ATRNL1: variants seen among roughly 807,000 people sequenced by gnomAD.
The protein encoded by ATRNL1 is attractin-like protein 1.
Under a neutral mutation model 182.7 loss-of-function variants are expected in ATRNL1, and 95 were observed. The observed-to-expected ratio is 0.52, with a 90% CI of 0.44 to 0.62. The LOEUF (loss-of-function observed/expected upper bound fraction) is 0.62. ATRNL1 is among the 20% of genes least tolerant of loss of function. ATRNL1 has a pLI of 0.00. For synonymous variants in ATRNL1, 576 were observed against 568.3 expected (o/e 1.01, Z -0.19); for missense variants, 1,471 against 1,679.5 (o/e 0.88, Z 2.17).
intron 27 of ATRNL1, among the ~76,000 whole-genome samples, chr10:115,769,715 G>C (rs990772449): frequency 3.9e-5 from 6 of 152,196 alleles, no homozygotes; most frequent in African/African-American, 1.4e-4. Flanking sequence ...TCTGAATTTA[G>C]TTTCCTTGAC....
intron 21 of ATRNL1, among the ~76,000 whole-genome samples, chr10:115,447,234 C>T (rs1554966844): frequency 6.6e-6 from 1 of 151,462 alleles, no homozygotes; most frequent in Non-Finnish European, 1.5e-5. Context: ...AAATTGTGTA[C>T]CTGTTACCAA....
chr10:115,478,941 T>G (rs1016901892), intron 24 of ATRNL1, among the ~76,000 whole-genome samples: 6 of 151,698 alleles, frequency 4.0e-5, no homozygotes, highest in Non-Finnish European at 5.9e-5. Flanking sequence ...TTACTTTTAT[T>G]AATTTATTCT....
intron 28 of ATRNL1, among the ~76,000 whole-genome samples, chr10:115,932,498 GA>G (rs1359064453): frequency 6.6e-6 from 1 of 152,016 alleles, no homozygotes; most frequent in Non-Finnish European, 1.5e-5. Flanking sequence ...AATATTAATA[GA>G]AAAAAATCAT....
At chr10:115,515,708 G>A (rs1850602667) in intron 24 of ATRNL1, among the ~76,000 whole-genome samples, 1 of 151,534 alleles carries the variant, frequency 6.6e-6, no homozygotes, top group Non-Finnish European at 1.5e-5. Context: ...TTTCTACTTT[G>A]TAATGTTCCA....
intron 24 of ATRNL1, among the ~76,000 whole-genome samples, chr10:115,514,130 A>G (rs1554983326): frequency 6.6e-6 from 1 of 151,960 alleles, no homozygotes; most frequent in Admixed American, 6.6e-5. Flanking sequence ...TTCAATCAGT[A>G]CTTTACTTAA....
intron 8 of ATRNL1, among the ~76,000 whole-genome samples, chr10:115,213,083 G>C (rs1554895387): frequency 1.3e-5 from 2 of 152,036 alleles, no homozygotes; most frequent in Admixed American, 6.6e-5. Context: ...TTTAACATCT[G>C]ATCCATTCAT....
chr10:115,363,444 A>G (rs1445854720), intron 19 of ATRNL1, among the ~76,000 whole-genome samples: 3 of 146,246 alleles, frequency 2.1e-5, no homozygotes, highest in Admixed American at 6.8e-5. Flanking sequence ...GTAGGTTGCA[A>G]AAATTTTCTC....
chr10:115,908,339 GGAAA>G (rs1257431129), intron 28 of ATRNL1, among the ~76,000 whole-genome samples: 1 of 152,030 alleles, frequency 6.6e-6, no homozygotes, highest in Non-Finnish European at 1.5e-5. Flanking sequence ...GGGGGCTCTG[GGAAA>G]GAATCTGTTT....
At chr10:115,544,347 A>G (rs1256193903) in intron 25 of ATRNL1, among the ~76,000 whole-genome samples, 2 of 152,190 alleles carry the variant, frequency 1.3e-5, no homozygotes, top group African/African-American at 4.8e-5. Flanking sequence ...GCAATGCTAT[A>G]AAAAATATCT....
chr10:115,872,945 T>C (rs1951618296), intron 28 of ATRNL1, among the ~76,000 whole-genome samples: 1 of 152,242 alleles, frequency 6.6e-6, no homozygotes, highest in South Asian at 2.1e-4. Context: ...TAGCTGCTCC[T>C]CCTGAAATTC....
chr10:115,468,204 G>A (rs7896443), intron 23 of ATRNL1, among the ~76,000 whole-genome samples: 4 of 150,432 alleles, frequency 2.7e-5, no homozygotes, highest in South Asian at 2.1e-4. Flanking sequence ...GTAATAACTT[G>A]TACTGTTAAT....
chr10:115,912,367 CA>C (rs1555116132), intron 28 of ATRNL1, among the ~76,000 whole-genome samples: 1 of 151,584 alleles, frequency 6.6e-6, no homozygotes, highest in Non-Finnish European at 1.5e-5. Context: ...GATATTAAAA[CA>C]ATAATCTTCA....
chr10:115,765,112 A>G (rs1948826157), intron 27 of ATRNL1, among the ~76,000 whole-genome samples: 1 of 152,190 alleles, frequency 6.6e-6, no homozygotes, highest in African/African-American at 2.4e-5. Context: ...TTTGACAATT[A>G]TGAATTATGC....
At chr10:115,850,407 C>A (rs1264280629) in intron 28 of ATRNL1, among the ~76,000 whole-genome samples, 1 of 152,062 alleles carries the variant, frequency 6.6e-6, no homozygotes, top group Non-Finnish European at 1.5e-5. Flanking sequence ...AATACTGACA[C>A]CAATATATGA....
intron 19 of ATRNL1, among the ~76,000 whole-genome samples, chr10:115,386,940 T>C (rs1858392781): frequency 6.6e-6 from 1 of 151,158 alleles, no homozygotes; most frequent in African/African-American, 2.4e-5. Context: ...TTGCTATAAA[T>C]CATGCTGCTA....
At chr10:115,539,981 G>C (rs942556796) in intron 25 of ATRNL1, among the ~76,000 whole-genome samples, 1 of 127,010 alleles carries the variant, frequency 7.9e-6, no homozygotes, top group Non-Finnish European at 1.6e-5. Context: ...CAAATGTTAT[G>C]GGGTGGGGGG....
intron 27 of ATRNL1, among the ~76,000 whole-genome samples, chr10:115,781,524 G>C (rs572618239): frequency 6.6e-6 from 1 of 152,192 alleles, no homozygotes; most frequent in South Asian, 2.1e-4. Flanking sequence ...CAACCATATG[G>C]GTGAATCCCA....
At chr10:115,384,298 A>C (rs1017200088) in intron 19 of ATRNL1, among the ~76,000 whole-genome samples, 1 of 152,008 alleles carries the variant, frequency 6.6e-6, no homozygotes, top group African/African-American at 2.4e-5. Context: ...AATTCTCTAT[A>C]TCCAAGAAAT....
chr10:115,434,826 T>A (rs945320266), intron 21 of ATRNL1, among the ~76,000 whole-genome samples: 1 of 152,104 alleles, frequency 6.6e-6, no homozygotes, highest in Non-Finnish European at 1.5e-5. Flanking sequence ...TTAATAGATA[T>A]CCAAACAAAC....
Sources: allele counts gnomAD v4.1 joint callset (sites outside exome capture counted in the v4.1 genomes callset), GRCh38; gene constraint gnomAD v4.1.1; transcripts MANE v1.5; gene names NCBI Gene and HGNC (gene_info 2026-07-23, HGNC 2026-07-21).